The following GRID2 variants were observed in gnomAD, a reference collection of about 807,000 sequenced individuals.
GRID2 encodes glutamate ionotropic receptor delta type subunit 2, also known as glutamate receptor ionotropic, delta-2.
In GRID2, 33 loss-of-function variants were observed where a neutral mutation model predicts 114.8. The ratio of observed to expected loss-of-function variants is 0.29; its 90% CI spans 0.22 to 0.38. GRID2 has a LOEUF of 0.38. Ranked by LOEUF, GRID2 falls within the 10% of genes least tolerant of loss-of-function variation. The pLI is 1.00. For missense variants in GRID2, 1,184 were observed against 1,257.7 expected, an observed-to-expected ratio of 0.94 and a Z score of 0.89; for synonymous variants, 505 against 449.9, an observed-to-expected ratio of 1.12 and a Z score of -1.55.
intron 2 of GRID2, among the ~76,000 whole-genome samples, chr4:92,620,641 T>G (rs568731840): frequency 6.6e-6 from 1 of 151,714 alleles, no homozygotes. Flanking sequence ...GTTATGAGTT[T>G]TATGTAAATT....
chr4:93,579,214 C>A (rs184990553), intron 13 of GRID2, among the ~76,000 whole-genome samples: 2 of 152,252 alleles, frequency 1.3e-5, no homozygotes, highest in African/African-American at 4.8e-5. Context: ...ATTTCACAGA[C>A]TAGCTTTTGG....
chr4:92,603,433 A>C (rs1729314486), intron 2 of GRID2, among the ~76,000 whole-genome samples: 1 of 152,134 alleles, frequency 6.6e-6, no homozygotes, highest in South Asian at 2.1e-4. Flanking sequence ...CCTGACACAA[A>C]TAAGCAATGG....
At chr4:92,792,996 T>C (rs1361818702) in intron 2 of GRID2, among the ~76,000 whole-genome samples, 1 of 151,582 alleles carries the variant, frequency 6.6e-6, no homozygotes, top group Non-Finnish European at 1.5e-5. Flanking sequence ...CCTCCTACAT[T>C]ACCTTCTTAG....
chr4:92,562,222 T>C (rs897916176), intron 1 of GRID2, among the ~76,000 whole-genome samples: 1 of 152,138 alleles, frequency 6.6e-6, no homozygotes, highest in Non-Finnish European at 1.5e-5. Flanking sequence ...TTCAGTTTAT[T>C]TAGACTGAGG....
At chr4:93,269,156 G>T (rs562186890) in intron 8 of GRID2, among the ~76,000 whole-genome samples, 2 of 151,998 alleles carry the variant, frequency 1.3e-5, no homozygotes, top group African/African-American at 2.4e-5. Context: ...ATCCATGTCT[G>T]GAATAAAATT....
chr4:92,863,411 C>T (rs1170125805), intron 2 of GRID2, among the ~76,000 whole-genome samples: 1 of 152,112 alleles, frequency 6.6e-6, no homozygotes, highest in Non-Finnish European at 1.5e-5. Context: ...TGTGAAAATA[C>T]TTAACCTGTT....
intron 1 of GRID2, among the ~76,000 whole-genome samples, chr4:92,505,316 A>G (rs1346146589): frequency 6.6e-6 from 1 of 152,086 alleles, no homozygotes; most frequent in African/African-American, 2.4e-5. Flanking sequence ...TTAAATGGCA[A>G]CTTTCTACTG....
At chr4:93,235,557 G>T (rs1405089774) in intron 7 of GRID2, among the ~76,000 whole-genome samples, 1 of 152,056 alleles carries the variant, frequency 6.6e-6, no homozygotes, top group Non-Finnish European at 1.5e-5. Flanking sequence ...GTTAAGTCTG[G>T]GTGATATAAC....
At chr4:92,887,685 T>C (rs1746472854) in intron 2 of GRID2, among the ~76,000 whole-genome samples, 1 of 152,198 alleles carries the variant, frequency 6.6e-6, no homozygotes, top group African/African-American at 2.4e-5. Context: ...ACAAAGATCT[T>C]TTCTTAATCA....
At chr4:92,979,471 A>G (rs916718611) in intron 2 of GRID2, among the ~76,000 whole-genome samples, 1 of 152,052 alleles carries the variant, frequency 6.6e-6, no homozygotes, top group Non-Finnish European at 1.5e-5. Flanking sequence ...GTCGTTTTTC[A>G]GGCCTATGAA....
intron 2 of GRID2, among the ~76,000 whole-genome samples, chr4:93,066,185 A>G (rs1728276416): frequency 6.6e-6 from 1 of 152,010 alleles, no homozygotes; most frequent in Non-Finnish European, 1.5e-5. Flanking sequence ...AAATGTCATT[A>G]TCAAAATGGT....
intron 14 of GRID2, among the ~76,000 whole-genome samples, chr4:93,634,330 A>G (rs183055118): frequency 1.3e-5 from 2 of 152,262 alleles, no homozygotes; most frequent in African/African-American, 4.8e-5. Context: ...AAAAACGGCC[A>G]TCATGTGTTG....
At chr4:93,124,106 T>TTA (rs1553991675) in intron 4 of GRID2, among the ~76,000 whole-genome samples, 197 of 131,208 alleles carry the variant, frequency 1.5e-3, no homozygotes, top group African/African-American at 5.1e-3. Context: ...TAAAGTATAA[T>TTA]AAAAAAAAAA....
chr4:93,497,732 C>T (rs968766775), intron 12 of GRID2, among the ~76,000 whole-genome samples: 5 of 151,662 alleles, frequency 3.3e-5, no homozygotes, highest in Non-Finnish European at 7.4e-5. Flanking sequence ...ATCCCTCTGC[C>T]GGTAACACAG....
At chr4:93,456,830 T>C (rs2149413676) in intron 11 of GRID2, among the ~76,000 whole-genome samples, 1 of 152,286 alleles carries the variant, frequency 6.6e-6, no homozygotes, top group South Asian at 2.1e-4. Flanking sequence ...TTTAACTTCA[T>C]TTTTCTATTC....
At chr4:92,879,494 A>G (rs1443301910) in intron 2 of GRID2, among the ~76,000 whole-genome samples, 1 of 152,120 alleles carries the variant, frequency 6.6e-6, no homozygotes, top group Non-Finnish European at 1.5e-5. Context: ...GTGTATACCC[A>G]TACAGCTGAC....
At chr4:92,987,575 C>T (rs1754587759) in intron 2 of GRID2, among the ~76,000 whole-genome samples, 1 of 150,588 alleles carries the variant, frequency 6.6e-6, no homozygotes, top group South Asian at 2.1e-4. Flanking sequence ...CACATGTACC[C>T]TAAAACTTAA....
intron 2 of GRID2, among the ~76,000 whole-genome samples, chr4:92,668,897 G>A (rs114569399): frequency 4.9e-4 from 74 of 151,936 alleles, no homozygotes; most frequent in South Asian, 1.0e-3. Flanking sequence ...GATAGACATG[G>A]TGGTGACCAA....
rs761153599 is a variant in GRID2, at chr4:92,832,382, TTTTG to T, written c.244+242104_244+242107del. ...GCAGGAGAATATCTTTTTTTGTTGT[TTTTG>T]TTTGTTTTGTTTTGTTTTGTTTTTT... On this transcript the variant is annotated intron_variant, in intron 2 of 15. Coordinates refer to ENST00000282020, the MANE Select transcript of GRID2 (RefSeq NM_001510.4). 6.6e-5 allele frequency among the ~76,000 whole-genome samples: 10 copies of T among 151,992 alleles called. No homozygotes were observed. In the East Asian group the frequency reaches 2.0e-3, roughly 30 times the overall value.
Sources: allele counts gnomAD v4.1 joint callset (sites outside exome capture counted in the v4.1 genomes callset), GRCh38; gene constraint gnomAD v4.1.1; transcripts MANE v1.5; gene names NCBI Gene and HGNC (gene_info 2026-07-23, HGNC 2026-07-21).